Variants in DNAH12 observed in about 807,000 individuals in gnomAD.
DNAH12 encodes the protein dynein axonemal heavy chain 12.
DNAH12 carries 285 observed loss-of-function variants against 371.5 expected under a neutral mutation model. The ratio of observed to expected loss-of-function variants is 0.77; its 90% confidence interval spans 0.70 to 0.85. The LOEUF is 0.85. Ranked by LOEUF, DNAH12 falls within the 40% of genes least tolerant of loss-of-function variation. The pLI, the probability that DNAH12 is intolerant of heterozygous loss-of-function variation, is 0.00. For missense variants in DNAH12, 3,611 were observed against 3,689.4 expected, an observed-to-expected ratio of 0.98 and a Z score of 0.55; for synonymous variants, 1,200 against 1,213.0, an observed-to-expected ratio of 0.99 and a Z score of 0.22.
intron 2 of DNAH12, among the ~76,000 whole-genome samples, chr3:57,541,906 C>T (rs890424844): frequency 1.1e-4 from 17 of 151,822 alleles, no homozygotes; most frequent in African/African-American, 4.1e-4. Context: ...TAAATAAGGC[C>T]GACCAAGAAA....
At chr3:57,517,108 T>A (rs2068229045) in intron 4 of DNAH12, among the ~76,000 whole-genome samples, 1 of 152,116 alleles carries the variant, frequency 6.6e-6, no homozygotes, top group Non-Finnish European at 1.5e-5. Flanking sequence ...TTTCTACCAT[T>A]CAGGTCTCCA....
intron 12 of DNAH12, among the ~76,000 whole-genome samples, chr3:57,485,910 C>A (rs1267125871): frequency 1.3e-5 from 2 of 151,936 alleles, no homozygotes; most frequent in African/African-American, 4.8e-5. Context: ...ACACTAAAAT[C>A]TCAGAAATCA....
chr3:57,463,860 T>C (rs528808161), intron 17 of DNAH12, among the ~76,000 whole-genome samples: 6 of 152,070 alleles, frequency 3.9e-5, no homozygotes, highest in Non-Finnish European at 5.9e-5. Context: ...CTCCGCCTTC[T>C]GGATTCAAGA....
intron 72 of DNAH12, among the ~76,000 whole-genome samples, chr3:57,295,872 T>C (rs1311933021): frequency 6.6e-6 from 1 of 152,218 alleles, no homozygotes; most frequent in African/African-American, 2.4e-5. Context: ...TGTCTCCTTT[T>C]CTCTATCCCA....
At chr3:57,347,997 C>T (rs1318225295) in intron 60 of DNAH12, among the ~76,000 whole-genome samples, 1 of 152,170 alleles carries the variant, frequency 6.6e-6, no homozygotes, top group Non-Finnish European at 1.5e-5. Context: ...ACCATACAAT[C>T]CAGCTGTTGC....
At position 57,384,793 on chromosome 3, in the gene DNAH12, T is replaced by C. The variant is rs1046272870; in HGVS notation, c.7860+36A>G. 1.8e-4 allele frequency: 27 copies of C among 152,336 alleles called. 1 individual carries two copies. In the Middle Eastern group the frequency reaches 0.014, roughly 77 times the overall value. The allele number at this position is 152,336 out of a possible 1,614,324, so 9.4% of individuals were successfully genotyped here. The stretch of plus-strand genomic sequence containing the variant: ...AATACCCATATTCAGCTTCCCTTGG[T>C]TGATGAAACACAAAGTAGCTAATTC... On this transcript the variant is annotated intron_variant, in intron 49 of 73. Transcript: ENST00000495027.
intron 4 of DNAH12, among the ~76,000 whole-genome samples, chr3:57,520,692 C>T (rs954664869): frequency 3.3e-5 from 5 of 151,904 alleles, no homozygotes; most frequent in African/African-American, 9.7e-5. Context: ...CCGCCCACCC[C>T]GGCTTCCCAA....
chr3:57,345,600 T>G (rs1350367851), intron 60 of DNAH12, among the ~76,000 whole-genome samples: 1 of 152,194 alleles, frequency 6.6e-6, no homozygotes, highest in Admixed American at 6.5e-5. Context: ...TAAGCTCATG[T>G]CAACAGCAAC....
At chr3:57,486,818 T>C (rs749917753) in intron 12 of DNAH12, among the ~76,000 whole-genome samples, 1 of 151,832 alleles carries the variant, frequency 6.6e-6, no homozygotes, top group Non-Finnish European at 1.5e-5. Flanking sequence ...GGACCCTGTC[T>C]CTAAAGGAGA....
intron 62 of DNAH12, among the ~76,000 whole-genome samples, chr3:57,329,573 A>G (rs2062039292): frequency 6.9e-6 from 1 of 143,966 alleles, no homozygotes; most frequent in Admixed American, 7.0e-5. Context: ...AAGATGGATT[A>G]AAGACTTAAA....
At chr3:57,369,230 T>A (rs1481768234) in intron 55 of DNAH12, among the ~76,000 whole-genome samples, 17,997 of 120,476 alleles carry the variant, frequency 0.15, 2,656 homozygotes, top group African/African-American at 0.42. Context: ...AAAAAAAAAA[T>A]ATATATATAT....
At chr3:57,427,140 G>GTGTGTA (rs2064800030) in intron 34 of DNAH12, among the ~76,000 whole-genome samples, 1 of 131,016 alleles carries the variant, frequency 7.6e-6, no homozygotes, top group Non-Finnish European at 1.7e-5. Context: ...AGAAGCGAAT[G>GTGTGTA]TGTGTGTGTG....
intron 2 of DNAH12, among the ~76,000 whole-genome samples, chr3:57,529,253 A>T (rs562525210): frequency 6.6e-6 from 1 of 152,330 alleles, no homozygotes; most frequent in Admixed American, 6.5e-5. Context: ...CTGGCCTCAA[A>T]AAATGAGTTT....
Position 57,310,960 on chromosome 3 carries a change from A to G in DNAH12, c.10663-10T>C. The stretch of plus-strand genomic sequence containing the variant: ...ATTCATTGATAAATAACTGAAGCAA[A>G]GGAAAAATGAAACAAGAAAAACCTT... On this transcript the variant is annotated splice_polypyrimidine_tract_variant and intron_variant, in intron 66 of 73. Coordinates refer to ENST00000495027, the MANE Select transcript of DNAH12 (RefSeq NM_001366028.2). 6.6e-7 allele frequency: 1 copy of G among 1,525,514 alleles called. No individual in the cohort carries two copies. The allele number at this position is 1,525,514 out of a possible 1,614,324, so 94.5% of individuals were successfully genotyped here. A position where few individuals can be genotyped will look rare whatever the true frequency, so the allele number is the denominator to read the frequency against.
At chr3:57,300,677 T>C (rs2061326642) in intron 70 of DNAH12, among the ~76,000 whole-genome samples, 1 of 152,216 alleles carries the variant, frequency 6.6e-6, no homozygotes, top group Non-Finnish European at 1.5e-5. Flanking sequence ...GGAGAAAGTC[T>C]GTCTCTCTAC....
At chr3:57,489,468 T>C in intron 12 of DNAH12, 41 bp downstream of exon 12, 1 of 1,456,924 alleles carries the variant, frequency 6.9e-7, no homozygotes, top group Non-Finnish European at 9.0e-7. Context: ...AATACTTCTT[T>C]TAGCCATATA....
intron 63 of DNAH12, 97 bp downstream of exon 63, chr3:57,323,372 T>C: frequency 1.4e-6 from 2 of 1,472,188 alleles, no homozygotes; most frequent in South Asian, 1.5e-5. Context: ...TCTGTAAATA[T>C]CAGATTTACT....
chr3:57,453,201 T>A (rs2065807112), intron 24 of DNAH12, 46 bp downstream of exon 24: 2 of 1,499,994 alleles, frequency 1.3e-6, no homozygotes, highest in Non-Finnish European at 1.8e-6. Flanking sequence ...TGTTTCCAGA[T>A]GCTATCAACA....
At chr3:57,309,290 T>C in intron 68 of DNAH12, 36 bp from the exon 69 acceptor site, 1 of 1,462,524 alleles carries the variant, frequency 6.8e-7, no homozygotes, top group Non-Finnish European at 9.3e-7. Flanking sequence ...CAAATTATTC[T>C]CAGAATGGAT....
Sources: gnomAD v4.1 joint callset for allele counts (sites outside exome capture counted in the v4.1 genomes callset) on GRCh38, gnomAD v4.1.1 for gene constraint, MANE v1.5 for transcripts, NCBI Gene and HGNC (gene_info 2026-07-23, HGNC 2026-07-21) for gene names.